CIMAP3: variants seen among roughly 807,000 people sequenced by gnomAD.
The protein encoded by CIMAP3 is ciliary microtubule-associated protein 3.
chr1:111,343,824 T>G, the CIMAP3 span, among the ~76,000 whole-genome samples: 1 of 152,262 alleles, frequency 6.6e-6, no homozygotes, highest in Non-Finnish European at 1.5e-5. Flanking sequence ...ATGGGAAATT[T>G]CTCTTTCCTT....
the CIMAP3 span, among the ~76,000 whole-genome samples, chr1:111,327,331 T>C: frequency 2.8e-4 from 42 of 152,308 alleles, no homozygotes; most frequent in African/African-American, 9.6e-4. Context: ...TTGTTGTGTC[T>C]GTGCCAGGTT....
the CIMAP3 span, among the ~76,000 whole-genome samples, chr1:111,338,641 G>A: frequency 0.48 from 73,546 of 151,642 alleles, 18,117 homozygotes; most frequent in South Asian, 0.54. Flanking sequence ...ACACTCTCCC[G>A]AGACTAAACC....
chr1:111,344,114 A>T, the CIMAP3 span, among the ~76,000 whole-genome samples: 4 of 152,312 alleles, frequency 2.6e-5, no homozygotes, highest in East Asian at 7.7e-4. Context: ...AACATTTTGC[A>T]TGAAAAAAAT....
chr1:111,339,901 A>T, the CIMAP3 span, among the ~76,000 whole-genome samples: 1 of 151,798 alleles, frequency 6.6e-6, no homozygotes, highest in Non-Finnish European at 1.5e-5. Flanking sequence ...TCGCCAAGTC[A>T]ATCCTAAGCC....
the CIMAP3 span, among the ~76,000 whole-genome samples, chr1:111,344,601 C>T: frequency 1.3e-5 from 2 of 152,116 alleles, no homozygotes; most frequent in Non-Finnish European, 2.9e-5. Context: ...TTCAATTCAC[C>T]TGTTCTCAGC....
At chr1:111,348,795 C>A in the CIMAP3 span, 1 of 793,878 alleles carries the variant, frequency 1.3e-6, no homozygotes, top group Non-Finnish European at 1.9e-6. Context: ...AATTGTCTCA[C>A]AGATTTCTGG....
At chr1:111,340,048 G>A in the CIMAP3 span, among the ~76,000 whole-genome samples, 4 of 151,828 alleles carry the variant, frequency 2.6e-5, no homozygotes, top group African/African-American at 7.3e-5. Context: ...CAGGAATAAC[G>A]TCGCATATCT....
the CIMAP3 span, among the ~76,000 whole-genome samples, chr1:111,333,392 T>C: frequency 1.3e-5 from 2 of 152,170 alleles, no homozygotes; most frequent in African/African-American, 2.4e-5. Flanking sequence ...ACTCCAGAAG[T>C]ACCTCTGGTC....
At chr1:111,347,821 A>C in the CIMAP3 span, 3 of 1,370,924 alleles carry the variant, frequency 2.2e-6, no homozygotes, top group African/African-American at 4.3e-5. Context: ...ATGCATTTGC[A>C]CAGGAGTGCA....
the CIMAP3 span, among the ~76,000 whole-genome samples, chr1:111,330,015 T>C: frequency 2.9e-4 from 2 of 6,828 alleles, no homozygotes; most frequent in Non-Finnish European, 5.1e-4. Flanking sequence ...GTGAAATTCT[T>C]GTATTGTGGA....
the CIMAP3 span, among the ~76,000 whole-genome samples, chr1:111,325,482 T>C: frequency 6.6e-6 from 1 of 152,258 alleles, no homozygotes; most frequent in Non-Finnish European, 1.5e-5. Flanking sequence ...CCTCTCTTTC[T>C]CTCTTCTCCA....
At chr1:111,326,798 A>ATGG in the CIMAP3 span, among the ~76,000 whole-genome samples, 1 of 152,140 alleles carries the variant, frequency 6.6e-6, no homozygotes, top group African/African-American at 2.4e-5. Flanking sequence ...TTGGGGTAAG[A>ATGG]TGGTATCTCA....
chr1:111,334,581 A>G, the CIMAP3 span, among the ~76,000 whole-genome samples: 1 of 152,244 alleles, frequency 6.6e-6, no homozygotes, highest in Non-Finnish European at 1.5e-5. Flanking sequence ...GAGACAGGAT[A>G]TGTGAGTTCT....
chr1:111,347,558 A>G, the CIMAP3 span: 801 of 649,266 alleles, frequency 1.2e-3, 4 homozygotes, highest in Middle Eastern at 7.3e-3. Context: ...TCAGATGGGA[A>G]CACACTAAGC....
At chr1:111,348,844 A>G in the CIMAP3 span, 1 of 527,890 alleles carries the variant, frequency 1.9e-6, no homozygotes, top group African/African-American at 2.0e-5. Context: ...CATTCAATGA[A>G]TTTTTATTAA....
At chr1:111,346,413 A>C in the CIMAP3 span, 1 of 516,508 alleles carries the variant, frequency 1.9e-6, no homozygotes, top group Non-Finnish European at 3.5e-6. Context: ...TGCAGCCCCT[A>C]CAGCCGCGAA....
At chr1:111,341,604 A>G in the CIMAP3 span, among the ~76,000 whole-genome samples, 1 of 152,230 alleles carries the variant, frequency 6.6e-6, no homozygotes, top group African/African-American at 2.4e-5. Context: ...TTTACTTTTC[A>G]AGGTTGTTGT....
chr1:111,350,028 A>G, the CIMAP3 span: 3 of 1,155,520 alleles, frequency 2.6e-6, no homozygotes, highest in Admixed American at 3.7e-5. Context: ...GGCCTAGTCC[A>G]GGGACGGCTC....
At chr1:111,334,929 A>C in the CIMAP3 span, among the ~76,000 whole-genome samples, 1 of 152,084 alleles carries the variant, frequency 6.6e-6, no homozygotes, top group South Asian at 2.1e-4. Context: ...GGAGTTTGAG[A>C]CCAGCCTGGC....
Sources: gnomAD v4.1 joint callset for allele counts (sites outside exome capture counted in the v4.1 genomes callset) on GRCh38, gnomAD v4.1.1 for gene constraint, MANE v1.5 for transcripts, NCBI Gene and HGNC (gene_info 2026-07-23, HGNC 2026-07-21) for gene names.